Variants in AGTPBP1 observed in about 807,000 individuals in gnomAD.
The protein encoded by AGTPBP1 is ATP/GTP binding carboxypeptidase 1.
Under a neutral mutation model 143.9 loss-of-function variants are expected in AGTPBP1, and 70 were observed. That is an observed-to-expected ratio of 0.49 (90% CI 0.40 to 0.59). The LOEUF (loss-of-function observed/expected upper bound fraction) is 0.59. Ranked by LOEUF, AGTPBP1 falls within the 20% of genes least tolerant of loss-of-function variation. The pLI, the probability that AGTPBP1 is intolerant of heterozygous loss-of-function variation, is 0.00. For synonymous variants in AGTPBP1, 463 were observed against 500.2 expected (o/e 0.93, Z 0.99); for missense variants, 1,229 against 1,464.5 (o/e 0.84, Z 2.62).
Position 85,588,327 on chromosome 9 carries a change from C to A in AGTPBP1, c.2874G>T (p.Met958Ile), listed in dbSNP as rs768255352. The A allele has an allele frequency of 2.5e-6, 4 of 1,609,718 alleles. No individual in the cohort carries two copies. The highest frequency in any genetic ancestry group is 3.4e-6 in the Non-Finnish European group (4 of 1,178,424). ...CATTGATGACACCATCTGGATTTAA[C>A]ATAGGGACAATTTTAAAAATATAAG... ...RESYIFKIVP[M>I]LNPDGVINGN... The change falls in exon 21 of 26, where the codon ATG becomes ATT. Residue 958 changes from methionine (M) to isoleucine (I), a missense_variant. This residue lies in a region of AGTPBP1 where 486 missense variants were observed against 652.3 expected (regional missense o/e 0.75). Coordinates refer to ENST00000357081, the MANE Select transcript of AGTPBP1 (RefSeq NM_001330701.2).
In AGTPBP1 at chr9:85,586,874, T is replaced by C. The variant is rs765378045; in HGVS notation, c.2990A>G (p.Lys997Arg). The change falls in exon 22 of 26, where the codon AAG becomes AGG. Residue 997 changes from lysine to arginine, a missense_variant. Coordinates refer to ENST00000357081, the MANE Select transcript of AGTPBP1 (RefSeq NM_001330701.2). ...TGCAGCCAAGTATTGCAACAGCCCC[T>C]TAGCATGGTAAATTGTAGGATGTAA... ...PDLHPTIYHA[K>R]GLLQYLAAVK... is the part of the protein sequence containing the mutation. The C allele has an allele frequency of 6.2e-7, 1 of 1,614,008 alleles. No homozygotes were observed.
intron 25 of AGTPBP1, among the ~76,000 whole-genome samples, chr9:85,559,328 G>A (rs1289189986): frequency 2.6e-5 from 4 of 151,590 alleles, no homozygotes; most frequent in African/African-American, 4.9e-5. Context: ...ATGAATAGTC[G>A]ACAGTGAGCA....
intron 17 of AGTPBP1, among the ~76,000 whole-genome samples, chr9:85,602,268 G>T (rs949247200): frequency 7.9e-5 from 12 of 152,076 alleles, no homozygotes; most frequent in African/African-American, 2.9e-4. Context: ...CAATTCAGAT[G>T]ATAAGTGAGA....
intron 25 of AGTPBP1, among the ~76,000 whole-genome samples, chr9:85,561,637 T>A (rs1411636126): frequency 6.6e-6 from 1 of 150,974 alleles, no homozygotes; most frequent in Non-Finnish European, 1.5e-5. Context: ...GGGAAAAAAA[T>A]GAAGAGAAAA....
At chr9:85,577,252 GTT>G (rs1389971516) in intron 24 of AGTPBP1, among the ~76,000 whole-genome samples, 1 of 152,194 alleles carries the variant, frequency 6.6e-6, no homozygotes, top group African/African-American at 2.4e-5. Context: ...CCAGAAGCTA[GTT>G]TCAGAGACAG....
intron 25 of AGTPBP1, among the ~76,000 whole-genome samples, chr9:85,548,669 TTTTTTG>T (rs1301439605): frequency 7.0e-6 from 1 of 143,180 alleles, no homozygotes; most frequent in Non-Finnish European, 1.5e-5. Context: ...GCTTTGGTTT[TTTTTTG>T]TTTTTGTTTT....
chr9:85,736,196 A>C (rs1455710236), intron 1 of AGTPBP1, among the ~76,000 whole-genome samples: 1 of 152,210 alleles, frequency 6.6e-6, no homozygotes, highest in East Asian at 1.9e-4. Context: ...CAGATTACTA[A>C]TACTATAATC....
chr9:85,609,482 C>T (rs922232579), intron 17 of AGTPBP1, among the ~76,000 whole-genome samples: 2 of 152,048 alleles, frequency 1.3e-5, no homozygotes, highest in Non-Finnish European at 2.9e-5. Context: ...GGGGTTTCAC[C>T]ATGTTGACCA....
intron 13 of AGTPBP1, among the ~76,000 whole-genome samples, chr9:85,636,162 C>A (rs754286090): frequency 1.3e-5 from 2 of 151,638 alleles, no homozygotes; most frequent in Non-Finnish European, 2.9e-5. Context: ...AAAAGACCTA[C>A]CAGAATCTCA....
Position 85,741,878 on chromosome 9 carries a change from T to C in AGTPBP1, c.-137A>G. On this transcript the variant is annotated 5_prime_UTR_variant, in exon 1 of 26. An upstream start codon of the reference 5' UTR is lost. Transcript: ENST00000357081. ...CGCCGCCCGCCGCCCGGTGTTTTCA[T>C]ACAAACCCCGGTGGCAGGCGAGGCG... 5.8e-6 allele frequency: 8 copies of C among 1,388,216 alleles called. No homozygotes were observed. The highest frequency in any genetic ancestry group is 7.5e-6 in the Non-Finnish European group (8 of 1,072,186). The allele number at this position is 1,388,216 out of a possible 1,614,324, so 86.0% of individuals were successfully genotyped here. A position where few individuals can be genotyped will look rare whatever the true frequency, so the allele number is the denominator to read the frequency against.
At chr9:85,619,632 T>C (rs554143952) in intron 15 of AGTPBP1, among the ~76,000 whole-genome samples, 4 of 152,316 alleles carry the variant, frequency 2.6e-5, no homozygotes, top group South Asian at 2.1e-4. Flanking sequence ...GCAGCAATAA[T>C]TCTCATAAAC....
intron 7 of AGTPBP1, among the ~76,000 whole-genome samples, chr9:85,672,312 G>T (rs1208149597): frequency 6.6e-6 from 1 of 152,012 alleles, no homozygotes; most frequent in Non-Finnish European, 1.5e-5. Context: ...CAGGTGATCC[G>T]CCCGCCTTGG....
At chr9:85,662,064 G>T (rs1833882272) in intron 8 of AGTPBP1, among the ~76,000 whole-genome samples, 2 of 152,104 alleles carry the variant, frequency 1.3e-5, no homozygotes, top group South Asian at 4.1e-4. Context: ...CATAAAGGAG[G>T]TAATAAAGTA....
intron 6 of AGTPBP1, among the ~76,000 whole-genome samples, chr9:85,675,881 C>T (rs530063662): frequency 2.6e-5 from 4 of 152,144 alleles, no homozygotes; most frequent in Non-Finnish European, 5.9e-5. Context: ...AAAAATTAGA[C>T]GGGTATGGTG....
At chr9:85,688,006 C>T (rs757411168) in intron 3 of AGTPBP1, among the ~76,000 whole-genome samples, 1 of 145,142 alleles carries the variant, frequency 6.9e-6, no homozygotes, top group Non-Finnish European at 1.5e-5. Flanking sequence ...AGGAGAATCA[C>T]TTGAACCCAG....
the AGTPBP1 span, among the ~76,000 whole-genome samples, chr9:85,760,760 T>A: frequency 6.6e-6 from 1 of 152,172 alleles, no homozygotes; most frequent in African/African-American, 2.4e-5. Context: ...GTGTTGAAAG[T>A]TCTGGCCAGG....
At chr9:85,726,467 C>G (rs1453449946) in intron 1 of AGTPBP1, among the ~76,000 whole-genome samples, 1 of 152,130 alleles carries the variant, frequency 6.6e-6, no homozygotes, top group Non-Finnish European at 1.5e-5. Flanking sequence ...GTGGTAATTT[C>G]TGAGGATGAA....
At position 85,641,025 on chromosome 9, in the gene AGTPBP1, G is replaced by A. The variant is rs560613842; in HGVS notation, c.1302+1802C>T. Among the ~76,000 whole-genome samples the A allele has an allele frequency of 1.3e-4, 20 of 152,184 alleles. No homozygotes were observed. In the South Asian group the frequency reaches 3.9e-3, roughly 30 times the overall value. On this transcript the variant is annotated intron_variant, in intron 13 of 25. Coordinates refer to ENST00000357081, the MANE Select transcript of AGTPBP1 (RefSeq NM_001330701.2). ...TACCACCATGGTCCATCCCACCCAG[G>A]ACATGACTCTTCCTTTGTCCAACGT...
intron 20 of AGTPBP1, among the ~76,000 whole-genome samples, chr9:85,588,889 T>A (rs139030351): frequency 6.6e-6 from 1 of 152,128 alleles, no homozygotes; most frequent in African/African-American, 2.4e-5. Flanking sequence ...TTACAGTTGC[T>A]CTGATAAGCA....
Sources: gnomAD v4.1 joint callset for allele counts (sites outside exome capture counted in the v4.1 genomes callset) on GRCh38, gnomAD v4.1.1 for gene constraint, gnomAD v4.1.1 regional missense constraint, MANE v1.5 for transcripts, NCBI Gene and HGNC (gene_info 2026-07-23, HGNC 2026-07-21) for gene names.